PPP2R5C: variants seen among roughly 807,000 people sequenced by gnomAD.
The protein encoded by PPP2R5C is serine/threonine-protein phosphatase 2A 56 kDa regulatory subunit gamma isoform.
PPP2R5C carries 7 observed loss-of-function variants against 68.9 expected under a neutral mutation model. The ratio of observed to expected loss-of-function variants is 0.10; its 90% CI spans 0.06 to 0.19. The LOEUF (loss-of-function observed/expected upper bound fraction) is 0.19, where lower values mean the gene tolerates loss of function less well. Ranked by LOEUF, PPP2R5C falls within the 10% of genes least tolerant of loss-of-function variation. The probability of loss-of-function intolerance (pLI) is 1.00; values close to 1 mark genes in which losing one functional copy is unlikely to be tolerated. For synonymous variants in PPP2R5C, 210 were observed against 222.2 expected (o/e 0.95, Z 0.49); for missense variants, 348 against 641.3 (o/e 0.54, Z 4.94).
chr14:101,821,170 T>C (rs1595261994), intron 1 of PPP2R5C: 1 of 152,144 alleles, frequency 6.6e-6, no homozygotes, highest in Non-Finnish European at 1.5e-5. Context: ...CCATGAGAGC[T>C]GAGAGCATCC....
chr14:101,880,512 A>G (rs1420108379), intron 2 of PPP2R5C, among the ~76,000 whole-genome samples: 2 of 152,214 alleles, frequency 1.3e-5, no homozygotes, highest in Non-Finnish European at 2.9e-5. Flanking sequence ...AAGGGAAGAA[A>G]CAGGCAGGTG....
chr14:101,762,501 T>C (rs1487607864), intron 1 of PPP2R5C, among the ~76,000 whole-genome samples: 2 of 151,786 alleles, frequency 1.3e-5, no homozygotes, highest in African/African-American at 4.8e-5. Flanking sequence ...GGTGCTGCGT[T>C]TGCATTCGGG....
At chr14:101,842,101 C>T (rs776526964) in intron 1 of PPP2R5C, among the ~76,000 whole-genome samples, 10 of 152,046 alleles carry the variant, frequency 6.6e-5, no homozygotes, top group Non-Finnish European at 1.5e-4. Context: ...GAGAAGGGTC[C>T]CCTGTCTTTC....
At chr14:101,907,591 A>C (rs2046116573) in intron 10 of PPP2R5C, among the ~76,000 whole-genome samples, 2 of 152,144 alleles carry the variant, frequency 1.3e-5, no homozygotes, top group Non-Finnish European at 2.9e-5. Flanking sequence ...CTCAGAACTT[A>C]AAGAAGAGCA....
chr14:101,885,195 G>A (rs897252819), intron 5 of PPP2R5C, among the ~76,000 whole-genome samples: 1 of 152,202 alleles, frequency 6.6e-6, no homozygotes. Flanking sequence ...TGTCAGCCAC[G>A]CCCAACACGG....
At chr14:101,898,516 AATATCAC>A (rs2045494225) in intron 8 of PPP2R5C, among the ~76,000 whole-genome samples, 1 of 152,228 alleles carries the variant, frequency 6.6e-6, no homozygotes, top group Non-Finnish European at 1.5e-5. Flanking sequence ...AAATAAAGTG[AATATCAC>A]TTTGCAAGAG....
chr14:101,838,427 G>A (rs2041254418), intron 1 of PPP2R5C, among the ~76,000 whole-genome samples: 1 of 152,210 alleles, frequency 6.6e-6, no homozygotes, highest in Non-Finnish European at 1.5e-5. Context: ...TCAAAAGCAT[G>A]GAAAAGTTGC....
intron 3 of PPP2R5C, among the ~76,000 whole-genome samples, chr14:101,787,624 A>T (rs191029424): frequency 1.3e-5 from 2 of 151,834 alleles, no homozygotes; most frequent in Admixed American, 1.3e-4. Flanking sequence ...AAAATTAGCC[A>T]GGCGTGGTGG....
intron 2 of PPP2R5C, among the ~76,000 whole-genome samples, chr14:101,861,532 C>A (rs984605106): frequency 2.0e-5 from 3 of 152,204 alleles, no homozygotes; most frequent in Non-Finnish European, 4.4e-5. Context: ...CAACCACACA[C>A]CCCAGTAGAA....
At chr14:101,900,923 T>C (rs894427712) in intron 8 of PPP2R5C, among the ~76,000 whole-genome samples, 3 of 152,254 alleles carry the variant, frequency 2.0e-5, no homozygotes, top group Non-Finnish European at 4.4e-5. Context: ...GGCTGTTGTA[T>C]CTGACGCCCA....
intron 3 of PPP2R5C, among the ~76,000 whole-genome samples, chr14:101,800,814 C>G (rs995357076): frequency 9.2e-5 from 14 of 152,250 alleles, no homozygotes; most frequent in African/African-American, 3.1e-4. Flanking sequence ...GAAATGAAAT[C>G]AACCTAAGTG....
intron 1 of PPP2R5C, chr14:101,824,115 G>A (rs1297003215): frequency 2.3e-5 from 29 of 1,288,506 alleles, no homozygotes; most frequent in Middle Eastern, 2.1e-4. Context: ...CGCACATCCC[G>A]AGAGATTCAT....
chr14:101,763,671 G>GGC (rs1188848929), intron 2 of PPP2R5C, among the ~76,000 whole-genome samples: 1 of 152,054 alleles, frequency 6.6e-6, no homozygotes, highest in Non-Finnish European at 1.5e-5. Flanking sequence ...CTGAGCCACC[G>GGC]TGCCCATCCT....
intron 2 of PPP2R5C, among the ~76,000 whole-genome samples, chr14:101,784,733 A>G (rs561901166): frequency 1.3e-5 from 2 of 152,340 alleles, no homozygotes; most frequent in South Asian, 4.1e-4. Context: ...ACATATGCAG[A>G]CACAGACTCC....
At chr14:101,922,124 G>C in intron 13 of PPP2R5C, 1 of 985,386 alleles carries the variant, frequency 1.0e-6, no homozygotes, top group Non-Finnish European at 1.2e-6. Context: ...ACGAGTTAAC[G>C]TGGACATGAA....
In PPP2R5C at chr14:101,849,631, TG is replaced by T. The variant is rs202150519; in HGVS notation, c.95-7054del. On this transcript the variant is annotated intron_variant, in intron 1 of 13. Transcript: ENST00000334743. ...ATCCTGTGCCTTGCCTTTTCATCCT[TG>T]TGGATGTCTTGATGAAGGAAAATGT... Among the ~76,000 whole-genome samples, 622 of 92,332 alleles carry T rather than the reference TG, an allele frequency of 6.7e-3. 3 individuals are homozygous for T. Among genetic ancestry groups the T allele is most frequent in the African/African-American group, 0.025 (592 of 23,264 alleles). The allele number at this position is 92,332 out of a possible 152,430, so 60.6% of individuals were successfully genotyped here.
rs1398944912 is a variant in PPP2R5C at position 101,836,442 on chromosome 14, G to C, written c.95-20244G>C. 8 of 688,972 alleles carry C rather than the reference G, an allele frequency of 1.2e-5. No homozygotes were observed. In the East Asian group the frequency reaches 2.2e-4, roughly 19 times the overall value. 42.7% of individuals were successfully genotyped at this position (688,972 alleles called of 1,614,324 possible). On this transcript the variant is annotated intron_variant, in intron 1 of 13. Transcript: ENST00000334743. ...AGAATCACACACACTGTCGTAGCTG[G>C]TTTTGTATTGTAAATGAGTCATTCT...
rs2046780971 is a variant in PPP2R5C at position 101,917,982 on chromosome 14, A to G, written c.1443+35A>G. ...CACCGAGCTCAGCTGGGCACCCATG[A>G]CTGATTTGCTTAAGAAATGCACATT... On this transcript the variant is annotated intron_variant, in intron 13 of 13. Transcript: ENST00000334743. The surrounding 1 kb of genome is among the most constrained non-coding windows in gnomAD (Gnocchi z 4.4). The G allele has an allele frequency of 6.2e-7, 1 of 1,612,866 alleles. No individual in the cohort carries two copies. Among genetic ancestry groups the G allele is most frequent in the South Asian group, 1.1e-5 (1 of 91,012 alleles).
chr14:101,893,422 G>A (rs6575882), intron 7 of PPP2R5C, among the ~76,000 whole-genome samples: 15,809 of 152,220 alleles, frequency 0.1, 1,274 homozygotes, highest in African/African-American at 0.22. Context: ...GTACCTTAAA[G>A]AGAAAAGCCT....
Sources: gnomAD v4.1 joint callset for allele counts (sites outside exome capture counted in the v4.1 genomes callset) on GRCh38, gnomAD v4.1.1 for gene constraint, Gnocchi (gnomAD v3.1) non-coding constraint, MANE v1.5 for transcripts, NCBI Gene and HGNC (gene_info 2026-07-23, HGNC 2026-07-21) for gene names.